RORA: variants seen among roughly 807,000 people sequenced by gnomAD.
RORA encodes RAR related orphan receptor A, also known as nuclear receptor ROR-alpha.
Under a neutral mutation model 69.5 loss-of-function variants are expected in RORA, and 7 were observed. That is an observed-to-expected ratio of 0.10 (90% CI 0.06 to 0.19). The LOEUF is 0.19. Among genes scored for constraint, RORA ranks in the 10% least tolerant of loss-of-function variants. The probability of loss-of-function intolerance (pLI) is 1.00; values close to 1 mark genes in which losing one functional copy is unlikely to be tolerated. For synonymous variants in RORA, 261 were observed against 240.8 expected (o/e 1.08, Z -0.78); for missense variants, 457 against 663.0 (o/e 0.69, Z 3.41).
At chr15:61,209,268 CA>C (rs10710980) in intron 1 of RORA, among the ~76,000 whole-genome samples, 111,374 of 145,256 alleles carry the variant, frequency 0.77, 42,655 homozygotes, top group South Asian at 0.89. Context: ...TGTTGAATTA[CA>C]AAAAAAAAAA....
At chr15:60,795,934 C>T (rs2072489641) in intron 1 of RORA, among the ~76,000 whole-genome samples, 1 of 152,242 alleles carries the variant, frequency 6.6e-6, no homozygotes, top group Non-Finnish European at 1.5e-5. Flanking sequence ...GGGGATCATA[C>T]TACCTGATGT....
chr15:61,099,509 C>T (rs993945138), intron 1 of RORA, among the ~76,000 whole-genome samples: 10 of 152,212 alleles, frequency 6.6e-5, no homozygotes, highest in African/African-American at 2.2e-4. Flanking sequence ...TAAGCTCACA[C>T]ATCACAGGCA....
intron 1 of RORA, among the ~76,000 whole-genome samples, chr15:60,707,452 CTCCCG>C (rs2071080105): frequency 6.6e-6 from 1 of 151,932 alleles, no homozygotes; most frequent in African/African-American, 2.4e-5. Flanking sequence ...CAAGCTCCGC[CTCCCG>C]GGTTCACGCC....
intron 1 of RORA, among the ~76,000 whole-genome samples, chr15:61,196,669 C>G (rs575040694): frequency 3.0e-4 from 45 of 152,342 alleles, no homozygotes; most frequent in African/African-American, 1.1e-3. Flanking sequence ...TCATTTCAAA[C>G]AGCATAAATT....
chr15:60,637,999 G>T (rs1367196679), intron 2 of RORA, among the ~76,000 whole-genome samples: 1 of 152,080 alleles, frequency 6.6e-6, no homozygotes, highest in Non-Finnish European at 1.5e-5. Flanking sequence ...ATAAAGGGTG[G>T]GGTTCATGCT....
intron 1 of RORA, among the ~76,000 whole-genome samples, chr15:61,206,346 C>T (rs1450555345): frequency 6.6e-6 from 1 of 152,116 alleles, no homozygotes; most frequent in East Asian, 1.9e-4. Flanking sequence ...TTCACAAATA[C>T]TGTTTGTTGA....
chr15:60,700,072 A>G (rs1188094065), intron 1 of RORA, among the ~76,000 whole-genome samples: 2 of 152,170 alleles, frequency 1.3e-5, no homozygotes, highest in Non-Finnish European at 2.9e-5. Flanking sequence ...CCCTGCCCAG[A>G]TATGGGAATT....
intron 1 of RORA, among the ~76,000 whole-genome samples, chr15:60,872,185 G>A (rs1289570630): frequency 6.6e-6 from 1 of 152,142 alleles, no homozygotes; most frequent in Admixed American, 6.5e-5. Flanking sequence ...ACTTTAAGCT[G>A]TGATCTTGCA....
At chr15:60,532,481 T>A (rs1014050540) in intron 2 of RORA, among the ~76,000 whole-genome samples, 1 of 152,206 alleles carries the variant, frequency 6.6e-6, no homozygotes, top group African/African-American at 2.4e-5. Flanking sequence ...ATGTGTTGCT[T>A]CTGAGTTCTT....
chr15:60,806,276 G>C (rs962479743), intron 1 of RORA, among the ~76,000 whole-genome samples: 2 of 152,146 alleles, frequency 1.3e-5, no homozygotes, highest in Non-Finnish European at 2.9e-5. Context: ...CAGCTGGCTG[G>C]CCAAGGTGCC....
At chr15:61,044,184 T>A (rs1333543932) in intron 1 of RORA, among the ~76,000 whole-genome samples, 1 of 152,200 alleles carries the variant, frequency 6.6e-6, no homozygotes, top group Non-Finnish European at 1.5e-5. Context: ...GTCCTGAGGT[T>A]TTTATTTCAT....
In RORA at chr15:61,061,180, C is replaced by T. The variant is rs1010559331; in HGVS notation, c.166+167873G>A. Among the ~76,000 whole-genome samples the T allele has an allele frequency of 2.0e-5, 3 of 151,894 alleles. No individual in the cohort carries two copies. The East Asian group carries it at 5.8e-4, about 29-fold the overall frequency. ...CATCCTGGCTAACATGGTGAAACCC[C>T]GTCTCTACTAAAACCACAAAACATT... On this transcript the variant is annotated intron_variant, in intron 1 of 10. Coordinates refer to ENST00000335670, the MANE Select transcript of RORA (RefSeq NM_134261.3). The surrounding 1 kb of genome is among the most constrained non-coding windows in gnomAD (Gnocchi z 4.4).
chr15:60,671,318 A>G (rs2070466971), intron 2 of RORA, among the ~76,000 whole-genome samples: 1 of 152,092 alleles, frequency 6.6e-6, no homozygotes, highest in Non-Finnish European at 1.5e-5. Flanking sequence ...TGTACGAAAT[A>G]TATGTCATTA....
Position 61,126,090 on chromosome 15 carries a change from C to T in RORA, c.166+102963G>A, listed in dbSNP as rs148609520. The stretch of plus-strand genomic sequence containing the variant: ...CTGGTCACTTTTCTTTAAAAAGCTC[C>T]TCCTCTGGGGCTACAAGGAACCAGG... On this transcript the variant is annotated intron_variant, in intron 1 of 10. Coordinates refer to ENST00000335670, the MANE Select transcript of RORA (RefSeq NM_134261.3). Among the ~76,000 whole-genome samples the T allele has an allele frequency of 8.1e-3, 1,234 of 152,288 alleles. 11 individuals are homozygous for T. Among genetic ancestry groups the T allele is most frequent in the African/African-American group, 0.028 (1,181 of 41,544 alleles).
At chr15:60,991,681 T>C (rs1414456615) in intron 1 of RORA, among the ~76,000 whole-genome samples, 2 of 152,094 alleles carry the variant, frequency 1.3e-5, no homozygotes, top group Non-Finnish European at 2.9e-5. Context: ...GAGGATTGCT[T>C]GATCCCAGCA....
rs144444995 is a variant in RORA at position 61,208,807 on chromosome 15, T to C, written c.166+20246A>G. Among the ~76,000 whole-genome samples, 70 of 152,292 alleles carry C rather than the reference T, an allele frequency of 4.6e-4. 4 individuals carry two copies. The East Asian group carries it at 7.3e-3, about 16-fold the overall frequency. The stretch of plus-strand genomic sequence containing the variant: ...CTTGTCCAGTGTATTCTTCACAATT[T>C]GTCTTCATTATTTTGCTTCACATAA... On this transcript the variant is annotated intron_variant, in intron 1 of 10. Transcript: ENST00000335670.
At chr15:61,146,289 C>T (rs1596025981) in intron 1 of RORA, among the ~76,000 whole-genome samples, 3 of 151,832 alleles carry the variant, frequency 2.0e-5, no homozygotes, top group Admixed American at 1.3e-4. Context: ...TTCTCACTGC[C>T]GACCATCTGT....
intron 2 of RORA, among the ~76,000 whole-genome samples, chr15:60,586,059 T>C (rs906160537): frequency 1.3e-5 from 2 of 152,230 alleles, no homozygotes; most frequent in Non-Finnish European, 2.9e-5. Flanking sequence ...ATTTTTGTAG[T>C]ATCTTTGATT....
At position 60,886,532 on chromosome 15, in the gene RORA, T is replaced by C. The variant is rs570893989; in HGVS notation, c.167-207846A>G. Among the ~76,000 whole-genome samples, 254 of 152,318 alleles carry C rather than the reference T, an allele frequency of 1.7e-3. 1 individual carries two copies. The highest frequency in any genetic ancestry group is 6.0e-3 in the African/African-American group (248 of 41,568). ...TTGCACTTGCTTATGTTAAACTCCT[T>C]ATAGAGTCAGCCTGCCAAGGGCCAC... is the stretch of plus-strand genomic sequence containing the variant. On this transcript the variant is annotated intron_variant, in intron 1 of 10. Transcript: ENST00000335670.
Sources: allele counts gnomAD v4.1 joint callset (sites outside exome capture counted in the v4.1 genomes callset), GRCh38; gene constraint gnomAD v4.1.1; non-coding constraint Gnocchi (gnomAD v3.1); transcripts MANE v1.5; gene names NCBI Gene and HGNC (gene_info 2026-07-23, HGNC 2026-07-21).